LUC7L: variants seen among roughly 807,000 people sequenced by gnomAD.
The protein encoded by LUC7L is LUC7 like.
Under a neutral mutation model 51.1 loss-of-function variants are expected in LUC7L, and 29 were observed. The observed-to-expected ratio is 0.57, with a 90% CI of 0.42 to 0.77. The LOEUF (loss-of-function observed/expected upper bound fraction) is 0.77. Ranked by LOEUF, LUC7L falls within the 30% of genes least tolerant of loss-of-function variation. The probability of loss-of-function intolerance (pLI) is 0.00; values close to 1 mark genes in which losing one functional copy is unlikely to be tolerated. For missense variants in LUC7L, 403 were observed against 511.9 expected (o/e 0.79, Z 2.05); for synonymous variants, 181 against 180.7 (o/e 1.00, Z -0.01).
At chr16:217,998 C>T (rs1022142033) in intron 3 of LUC7L, among the ~76,000 whole-genome samples, 7 of 148,216 alleles carry the variant, frequency 4.7e-5, no homozygotes, top group Non-Finnish European at 1.0e-4. Context: ...GTACTACAGC[C>T]TGGGCGACAA....
At chr16:202,819 C>T (rs113838232) in intron 5 of LUC7L, among the ~76,000 whole-genome samples, 57 of 152,252 alleles carry the variant, frequency 3.7e-4, no homozygotes, top group African/African-American at 1.2e-3. Context: ...AACTCCATGC[C>T]CACAAAAGCG....
chr16:227,497 T>G, intron 1 of LUC7L, 161 bp from the exon 2 acceptor site: 2 of 1,442,902 alleles, frequency 1.4e-6, no homozygotes, highest in Non-Finnish European at 1.8e-6. Flanking sequence ...ACAACTGGAG[T>G]GGAATACACA....
chr16:216,702 C>A (rs762019469), intron 3 of LUC7L, among the ~76,000 whole-genome samples: 3 of 152,130 alleles, frequency 2.0e-5, no homozygotes, highest in African/African-American at 7.2e-5. Flanking sequence ...TATGAGCCCC[C>A]TGTAAGGTCA....
At chr16:215,283 T>C (rs952403328) in intron 3 of LUC7L, among the ~76,000 whole-genome samples, 1 of 152,026 alleles carries the variant, frequency 6.6e-6, no homozygotes, top group African/African-American at 2.4e-5. Flanking sequence ...GTCAGGAGCT[T>C]GAGACCATCC....
At chr16:201,532 C>T (rs1185529219) in intron 5 of LUC7L, among the ~76,000 whole-genome samples, 2 of 151,806 alleles carry the variant, frequency 1.3e-5, no homozygotes, top group Non-Finnish European at 2.9e-5. Context: ...CTCTGCCTCC[C>T]GGGTCCACAC....
intron 3 of LUC7L, among the ~76,000 whole-genome samples, chr16:212,555 C>T (rs2049673792): frequency 6.6e-6 from 1 of 152,134 alleles, no homozygotes; most frequent in Admixed American, 6.6e-5. Context: ...AGAAAAATGT[C>T]ACTCTTATAC....
At chr16:227,218 T>G (rs1211419906) in intron 2 of LUC7L, 24 bp downstream of exon 2, 205 of 1,594,964 alleles carry the variant, frequency 1.3e-4, no homozygotes, top group Middle Eastern at 1.7e-4. Context: ...GAGTGTTCCA[T>G]GAGGTCCCCC....
At chr16:203,744 C>T (rs1347119966) in intron 5 of LUC7L, among the ~76,000 whole-genome samples, 6 of 150,698 alleles carry the variant, frequency 4.0e-5, no homozygotes, top group Non-Finnish European at 8.9e-5. Context: ...GGGCTGGGCG[C>T]GGTGGCTCAC....
intron 3 of LUC7L, 56 bp from the exon 4 acceptor site, chr16:208,244 A>G (rs965074079): frequency 2.3e-6 from 3 of 1,306,744 alleles, no homozygotes; most frequent in Non-Finnish European, 3.3e-6. Flanking sequence ...GTAAAGTCTT[A>G]GAACCCATTT....
chr16:202,747 C>T (rs1259177308), intron 5 of LUC7L, among the ~76,000 whole-genome samples: 2 of 152,184 alleles, frequency 1.3e-5, no homozygotes, highest in East Asian at 3.8e-4. Context: ...AAATGAAAGA[C>T]AGGACATCAT....
intron 1 of LUC7L, chr16:228,133 T>G: frequency 8.8e-7 from 1 of 1,131,930 alleles, no homozygotes; most frequent in South Asian, 2.0e-5. Flanking sequence ...TGTGACAAAT[T>G]TTAAAGCTAG....
At chr16:228,563 G>T in intron 1 of LUC7L, 1 of 1,196,180 alleles carries the variant, frequency 8.4e-7, no homozygotes, top group Non-Finnish European at 1.1e-6. Flanking sequence ...GAATGTGCCA[G>T]TGTGAACTTA....
intron 3 of LUC7L, among the ~76,000 whole-genome samples, chr16:217,898 G>A (rs1029027251): frequency 6.6e-6 from 1 of 151,636 alleles, no homozygotes; most frequent in African/African-American, 2.4e-5. Flanking sequence ...AATTAGCTGG[G>A]CGTGGTGGCG....
Position 189,260 on chromosome 16 carries a change from C to G in LUC7L, c.1054G>C (p.Glu352Gln). ...GAAGCCATCTTCCCGTTGGAGCTCTCAAGCCTCCAGTCCGGGGGCCCTCGC... is the reference window on the plus strand; with the variant it reads ...GAAGCCATCTTCCCGTTGGAGCTCTGAAGCCTCCAGTCCGGGGGCCCTCGC... ...SERGPPDWRL[E>Q]SSNGKMASRR... is the part of the protein sequence containing the mutation. The change falls in exon 10 of 10, where the codon GAG becomes CAG. Residue 352 changes from glutamate to glutamine, a missense_variant. This residue lies in a region of LUC7L where 206 missense variants were observed against 218.3 expected (regional missense o/e 0.94). Coordinates refer to ENST00000293872, the MANE Select transcript of LUC7L (RefSeq NM_201412.3). 6.2e-7 allele frequency: 1 copy of G among 1,614,034 alleles called. No individual in the cohort carries two copies. The highest frequency in any genetic ancestry group is 8.5e-7 in the Non-Finnish European group (1 of 1,180,026).
intron 6 of LUC7L, among the ~76,000 whole-genome samples, chr16:197,843 G>A (rs1161274596): frequency 6.6e-6 from 1 of 152,218 alleles, no homozygotes. Flanking sequence ...ACAGGGGGAG[G>A]CTGGCTAATT....
intron 5 of LUC7L, 89 bp from the exon 6 acceptor site, chr16:199,327 GAC>G (rs760591804): frequency 1.4e-5 from 11 of 800,336 alleles, no homozygotes; most frequent in Non-Finnish European, 2.2e-5. Flanking sequence ...TTGATAAGAT[GAC>G]AGAGGTGACT....
intron 2 of LUC7L, 137 bp downstream of exon 2, chr16:227,105 G>C (rs1200245891): frequency 1.5e-6 from 1 of 660,676 alleles, no homozygotes; most frequent in African/African-American, 1.8e-5. Flanking sequence ...CATACGAGTG[G>C]AGGAACACCT....
chr16:200,255 T>C (rs2049284898), intron 5 of LUC7L, among the ~76,000 whole-genome samples: 1 of 151,404 alleles, frequency 6.6e-6, no homozygotes, highest in South Asian at 2.1e-4. Context: ...ACCCCGTCTC[T>C]ACTAAAAAAA....
rs569054440 is a variant in LUC7L, at chr16:218,739, A to C, written c.255+1910T>G. Among the ~76,000 whole-genome samples the C allele has an allele frequency of 1.3e-4, 20 of 151,856 alleles. No homozygotes were observed. The South Asian group carries it at 2.1e-3, about 16-fold the overall frequency. On this transcript the variant is annotated intron_variant, in intron 3 of 9. Transcript: ENST00000293872. ...CTGTCTCAAAAAAACAGAAAAAAGA[A>C]TCTTAAAAGGCTCCACTGGGGGCAA...
Sources: allele counts gnomAD v4.1 joint callset (sites outside exome capture counted in the v4.1 genomes callset), GRCh38; gene constraint gnomAD v4.1.1; regional missense constraint gnomAD v4.1.1; transcripts MANE v1.5; gene names NCBI Gene and HGNC (gene_info 2026-07-23, HGNC 2026-07-21).